The following GAD2 variants were observed in gnomAD, a reference collection of about 807,000 sequenced individuals.
GAD2 encodes 65 kDa glutamic acid decarboxylase.
GAD2 carries 22 observed loss-of-function variants against 80.1 expected under a neutral mutation model. That is an observed-to-expected ratio of 0.27 (90% CI 0.20 to 0.39). GAD2 has a LOEUF of 0.39. Among genes scored for constraint, GAD2 ranks in the 10% least tolerant of loss-of-function variants. The pLI is 1.00. For missense variants in GAD2, 624 were observed against 738.4 expected, an observed-to-expected ratio of 0.85 and a Z score of 1.80; for synonymous variants, 274 against 256.9, an observed-to-expected ratio of 1.07 and a Z score of -0.64.
intron 8 of GAD2, among the ~76,000 whole-genome samples, chr10:26,251,591 C>T (rs975997348): frequency 3.9e-5 from 6 of 152,216 alleles, no homozygotes; most frequent in Admixed American, 3.9e-4. Context: ...TTACGAATAA[C>T]CTTTGTATCC....
chr10:26,232,213 C>T (rs980457172), intron 7 of GAD2, among the ~76,000 whole-genome samples: 2 of 152,168 alleles, frequency 1.3e-5, no homozygotes, highest in African/African-American at 4.8e-5. Flanking sequence ...ACATTCTCAG[C>T]CTCAAAAAGT....
At chr10:26,288,467 C>T (rs1564672176) in intron 13 of GAD2, among the ~76,000 whole-genome samples, 1 of 152,158 alleles carries the variant, frequency 6.6e-6, no homozygotes, top group Non-Finnish European at 1.5e-5. Context: ...TATCTGGTCC[C>T]CACCACCTAG....
At chr10:26,249,876 G>A (rs1844857690) in intron 8 of GAD2, among the ~76,000 whole-genome samples, 1 of 152,146 alleles carries the variant, frequency 6.6e-6, no homozygotes, top group South Asian at 2.1e-4. Flanking sequence ...CATGGACAGG[G>A]CTGCCAGGAC....
At chr10:26,274,696 A>G (rs1845178256) in intron 11 of GAD2, among the ~76,000 whole-genome samples, 4 of 152,220 alleles carry the variant, frequency 2.6e-5, no homozygotes, top group Admixed American at 2.6e-4. Context: ...CCCAGGCCAG[A>G]GTGGCTGTGC....
chr10:26,217,759 T>G lies in GAD2; in HGVS notation c.137-83T>G. On this transcript the variant is annotated intron_variant, in intron 2 of 15. Transcript: ENST00000376261. This position sits in a 1 kb window ranked among gnomAD's most constrained non-coding sequence, Gnocchi z 4.9. ...CGCATCCCAGTCAGCGGAGTCGGGG[T>G]TTCCTGGCTGCGGGTAGGCGGGAGC... The G allele has an allele frequency of 6.3e-7, 1 of 1,582,840 alleles. No individual in the cohort carries two copies.
intron 11 of GAD2, among the ~76,000 whole-genome samples, chr10:26,276,008 A>T (rs549562494): frequency 1.3e-5 from 2 of 152,016 alleles, no homozygotes; most frequent in African/African-American, 4.8e-5. Flanking sequence ...TGTTTTTTTT[A>T]AATTAGCCAG....
chr10:26,291,898 A>G (rs1464366657), intron 13 of GAD2, among the ~76,000 whole-genome samples: 1 of 152,192 alleles, frequency 6.6e-6, no homozygotes, highest in Non-Finnish European at 1.5e-5. Context: ...CTGCCCCCAA[A>G]GGAGAACTGT....
intron 8 of GAD2, among the ~76,000 whole-genome samples, chr10:26,268,467 CA>C (rs398045927): frequency 0.026 from 2,405 of 93,546 alleles, 22 homozygotes; most frequent in African/African-American, 0.036. Context: ...GACTCTGTCT[CA>C]AAAAAAAAAA....
chr10:26,293,743 G>A (rs1834244807), intron 15 of GAD2, among the ~76,000 whole-genome samples: 2 of 152,170 alleles, frequency 1.3e-5, no homozygotes, highest in South Asian at 4.1e-4. Context: ...CCTTAGAGCT[G>A]TGGTGACCCC....
chr10:26,294,706 C>T (rs371490628), intron 15 of GAD2, among the ~76,000 whole-genome samples: 2 of 152,030 alleles, frequency 1.3e-5, no homozygotes, highest in African/African-American at 4.8e-5. Flanking sequence ...TTGATGATTT[C>T]GTGAAGTTGG....
intron 3 of GAD2, among the ~76,000 whole-genome samples, chr10:26,218,535 GCT>G (rs143813747): frequency 3.9e-5 from 5 of 127,978 alleles, no homozygotes; most frequent in Non-Finnish European, 8.0e-5. Flanking sequence ...ACATGCATAC[GCT>G]CTCTCTCTCT....
intron 6 of GAD2, among the ~76,000 whole-genome samples, chr10:26,227,387 T>A (rs1228517779): frequency 6.6e-6 from 1 of 152,214 alleles, no homozygotes; most frequent in African/African-American, 2.4e-5. Context: ...AGCCTCTTTC[T>A]CTCACTCAGA....
At chr10:26,257,515 G>C (rs1224842926) in intron 8 of GAD2, among the ~76,000 whole-genome samples, 31 of 152,220 alleles carry the variant, frequency 2.0e-4, no homozygotes, top group Non-Finnish European at 7.3e-5. Context: ...AAACCTTACA[G>C]AAAATAAATC....
At chr10:26,248,934 C>T (rs571105340) in intron 8 of GAD2, among the ~76,000 whole-genome samples, 225 of 152,242 alleles carry the variant, frequency 1.5e-3, no homozygotes, top group African/African-American at 5.1e-3. Context: ...GTGAAGCCAC[C>T]CTTCAGGAGG....
chr10:26,219,442 C>A, intron 4 of GAD2, 166 bp downstream of exon 4: 1 of 545,684 alleles, frequency 1.8e-6, no homozygotes, highest in Non-Finnish European at 3.2e-6. Context: ...TAATCCAAAG[C>A]ACCTTCCACT....
intron 7 of GAD2, among the ~76,000 whole-genome samples, chr10:26,233,631 C>T (rs1190220949): frequency 6.6e-6 from 1 of 152,204 alleles, no homozygotes; most frequent in African/African-American, 2.4e-5. Context: ...TGGCTTCAGG[C>T]CAGGCCACAT....
intron 15 of GAD2, among the ~76,000 whole-genome samples, chr10:26,297,879 G>A (rs1167649166): frequency 6.6e-6 from 1 of 152,152 alleles, no homozygotes; most frequent in African/African-American, 2.4e-5. Context: ...ATTTATGAGG[G>A]GAGCTGAGCA....
At chr10:26,254,364 G>C (rs571569482) in intron 8 of GAD2, among the ~76,000 whole-genome samples, 75 of 152,320 alleles carry the variant, frequency 4.9e-4, no homozygotes, top group Non-Finnish European at 9.6e-4. Flanking sequence ...TTCACAGCAG[G>C]GTTCCTGCTC....
chr10:26,282,293 A>G (rs1845281025), intron 12 of GAD2, among the ~76,000 whole-genome samples: 1 of 152,208 alleles, frequency 6.6e-6, no homozygotes, highest in Non-Finnish European at 1.5e-5. Context: ...TCCTAGTTAT[A>G]CAGTTAATAC....
Sources: gnomAD v4.1 joint callset for allele counts (sites outside exome capture counted in the v4.1 genomes callset) on GRCh38, gnomAD v4.1.1 for gene constraint, Gnocchi (gnomAD v3.1) non-coding constraint, MANE v1.5 for transcripts, NCBI Gene and HGNC (gene_info 2026-07-23, HGNC 2026-07-21) for gene names.